The following CHD9 variants were observed in gnomAD, a reference collection of about 807,000 sequenced individuals.
CHD9 encodes the protein chromodomain helicase DNA binding protein 9.
CHD9 carries 77 observed loss-of-function variants against 316.1 expected under a neutral mutation model. The observed-to-expected ratio is 0.24, with a 90% CI of 0.20 to 0.29. The LOEUF (loss-of-function observed/expected upper bound fraction) is 0.29. CHD9 is among the 10% of genes least tolerant of loss of function. The pLI, the probability that CHD9 is intolerant of heterozygous loss-of-function variation, is 1.00. For synonymous variants in CHD9, 1,129 were observed against 1,158.3 expected, an observed-to-expected ratio of 0.97 and a Z score of 0.51; for missense variants, 2,763 against 3,438.1, an observed-to-expected ratio of 0.80 and a Z score of 4.91.
chr16:53,079,819 G>A (rs2034864269), intron 1 of CHD9, among the ~76,000 whole-genome samples: 2 of 152,212 alleles, frequency 1.3e-5, no homozygotes, highest in Non-Finnish European at 2.9e-5. Context: ...CCCAGAGAGA[G>A]CATGGAAGCT....
chr16:53,271,863 A>C (rs2052304742), intron 22 of CHD9, among the ~76,000 whole-genome samples: 1 of 152,174 alleles, frequency 6.6e-6, no homozygotes, highest in African/African-American at 2.4e-5. Flanking sequence ...TGTAGATTTC[A>C]TTAGGAAAAT....
chr16:53,263,881 A>G (rs2051385896), intron 20 of CHD9, among the ~76,000 whole-genome samples: 1 of 152,156 alleles, frequency 6.6e-6, no homozygotes, highest in Admixed American at 6.5e-5. Flanking sequence ...TCATATACCT[A>G]AACAAGTAGT....
At chr16:53,193,553 T>C (rs886712568) in intron 2 of CHD9, among the ~76,000 whole-genome samples, 3 of 152,214 alleles carry the variant, frequency 2.0e-5, no homozygotes, top group Non-Finnish European at 4.4e-5. Context: ...TCTGAGCATC[T>C]TTTCTAGTGT....
intron 37 of CHD9, among the ~76,000 whole-genome samples, chr16:53,319,144 T>C (rs2079942035): frequency 6.6e-6 from 1 of 152,230 alleles, no homozygotes; most frequent in Non-Finnish European, 1.5e-5. Flanking sequence ...GACACTGTTT[T>C]GTATATGTAT....
intron 28 of CHD9, 41 bp from the exon 29 acceptor site, chr16:53,292,792 T>C (rs746252160): frequency 2.0e-6 from 3 of 1,499,632 alleles, no homozygotes; most frequent in South Asian, 1.1e-5. Context: ...CTTCATACAG[T>C]ATCTGTTTAG....
intron 1 of CHD9, among the ~76,000 whole-genome samples, chr16:53,087,435 C>T (rs2035557574): frequency 6.6e-6 from 1 of 152,172 alleles, no homozygotes; most frequent in Non-Finnish European, 1.5e-5. Context: ...CGGGTCTATT[C>T]CCAAGTCCTC....
In CHD9 at chr16:53,292,853, G is replaced by A. The variant is rs202116085; in HGVS notation, c.5311G>A (p.Asp1771Asn). 6.2e-7 allele frequency: 1 copy of A among 1,613,612 alleles called. No homozygotes were observed. The highest frequency in any genetic ancestry group is 8.5e-7 in the Non-Finnish European group (1 of 1,179,672). The change falls in exon 29 of 39, where the codon GAT becomes AAT. Residue 1771 changes from aspartate to asparagine, a missense_variant. Around this residue, in one of 15 missense-constraint regions of CHD9, gnomAD observed 183 missense variants for 258.5 expected, o/e 0.71. Coordinates refer to ENST00000447540, the MANE Select transcript of CHD9 (RefSeq NM_001308319.2). ...ADGDGQLMEG[D>N]KVYWPTQSAL... ...TATAGATGGTCAACTGATGGAGGGT[G>A]ATAAAGTATATTGGCCTACTCAATC...
chr16:53,285,777 A>T (rs1218755566), intron 25 of CHD9, 78 bp downstream of exon 25: 1 of 713,052 alleles, frequency 1.4e-6, no homozygotes, highest in Non-Finnish European at 2.3e-6. Context: ...ATTGATTTCC[A>T]CTTACAGCTT....
intron 1 of CHD9, among the ~76,000 whole-genome samples, chr16:53,057,523 A>G (rs28886716): frequency 0.045 from 6,802 of 151,954 alleles, 161 homozygotes; most frequent in African/African-American, 0.064. Flanking sequence ...GCGTGGTGGC[A>G]AGAGCCCGTA....
intron 1 of CHD9, among the ~76,000 whole-genome samples, chr16:53,106,628 A>C (rs2037371777): frequency 6.6e-6 from 1 of 150,402 alleles, no homozygotes; most frequent in Non-Finnish European, 1.5e-5. Flanking sequence ...AATCTAGTTA[A>C]AGATGCAACT....
In CHD9 at chr16:53,274,409, G is replaced by A. The variant is rs185534098; in HGVS notation, c.4967+107G>A. 1,073 of 556,230 alleles carry A rather than the reference G, an allele frequency of 1.9e-3. 4 individuals carry two copies. The highest frequency in any genetic ancestry group is 2.7e-3 in the Non-Finnish European group (856 of 315,990). 34.5% of individuals were successfully genotyped at this position (556,230 alleles called of 1,614,324 possible). A position where few individuals can be genotyped will look rare whatever the true frequency, so the allele number is the denominator to read the frequency against. On this transcript the variant is annotated intron_variant, in intron 24 of 38. Coordinates refer to ENST00000447540, the MANE Select transcript of CHD9 (RefSeq NM_001308319.2). ...CCCACCTCTGCCTCCTGAGAGGCTC[G>A]CACTGTAGGCACACCACCACACCTG...
intron 1 of CHD9, among the ~76,000 whole-genome samples, chr16:53,147,497 A>G (rs1447624901): frequency 6.6e-6 from 1 of 152,154 alleles, no homozygotes; most frequent in Non-Finnish European, 1.5e-5. Context: ...ACCCATTACC[A>G]AATAACTTCT....
At chr16:53,317,064 C>CG (rs2056932052) in intron 36 of CHD9, among the ~76,000 whole-genome samples, 1 of 147,770 alleles carries the variant, frequency 6.8e-6, no homozygotes, top group South Asian at 2.2e-4. Context: ...GGCATGGTGG[C>CG]GGGTGCCTGT....
chr16:53,065,593 C>A (rs918739870), intron 1 of CHD9, among the ~76,000 whole-genome samples: 12 of 146,948 alleles, frequency 8.2e-5, no homozygotes, highest in African/African-American at 2.6e-4. Context: ...CTGATCACAC[C>A]ACTGCACTCC....
rs537054806 is a variant in CHD9 at position 53,094,121 on chromosome 16, G to A, written c.-165+39044G>A. ...CTGCTGTGGCAGCTCAGCTGTCTGA[G>A]AGCACTTCCCCTTGGGTTCCCCGCA... On this transcript the variant is annotated intron_variant, in intron 1 of 38. Coordinates refer to ENST00000447540, the MANE Select transcript of CHD9 (RefSeq NM_001308319.2). 3.3e-5 allele frequency among the ~76,000 whole-genome samples: 5 copies of A among 152,330 alleles called. No homozygotes were observed. The East Asian group carries it at 9.7e-4, about 29-fold the overall frequency.
At chr16:53,296,761 T>C (rs2054846248) in intron 29 of CHD9, among the ~76,000 whole-genome samples, 195 bp from the exon 30 acceptor site, 1 of 152,092 alleles carries the variant, frequency 6.6e-6, no homozygotes, top group Non-Finnish European at 1.5e-5. Flanking sequence ...AAGTAAATTT[T>C]TCTAAAAAAA....
intron 1 of CHD9, among the ~76,000 whole-genome samples, chr16:53,130,722 C>G (rs1226473448): frequency 1.3e-5 from 2 of 151,832 alleles, no homozygotes; most frequent in African/African-American, 2.4e-5. Context: ...CCTCGCACCG[C>G]CCTCCGCCCT....
At chr16:53,317,703 G>A (rs549606117) in intron 36 of CHD9, among the ~76,000 whole-genome samples, 10 of 152,062 alleles carry the variant, frequency 6.6e-5, no homozygotes, top group Middle Eastern at 3.4e-3. Context: ...CATATTGCCC[G>A]GGCTTAACTT....
rs200432687 is a variant in CHD9 at position 53,228,907 on chromosome 16, G to A, written c.2169-76G>A. The A allele has an allele frequency of 6.6e-5, 43 of 652,356 alleles. No homozygotes were observed. The East Asian group carries it at 1.2e-3, about 18-fold the overall frequency. The allele number at this position is 652,356 out of a possible 1,614,324, so 40.4% of individuals were successfully genotyped here. On this transcript the variant is annotated intron_variant, in intron 7 of 38. Coordinates refer to ENST00000447540, the MANE Select transcript of CHD9 (RefSeq NM_001308319.2). ...AAAGTTGAAGACAATAGTTTATATT[G>A]GATGTTATGATTTAAAATACATCTT... is the stretch of plus-strand genomic sequence containing the variant.
Sources: allele counts gnomAD v4.1 joint callset (sites outside exome capture counted in the v4.1 genomes callset), GRCh38; gene constraint gnomAD v4.1.1; regional missense constraint gnomAD v4.1.1; transcripts MANE v1.5; gene names NCBI Gene and HGNC (gene_info 2026-07-23, HGNC 2026-07-21).